The following GALNT16 variants were observed in gnomAD, a reference collection of about 807,000 sequenced individuals.
The protein encoded by GALNT16 is polypeptide N-acetylgalactosaminyltransferase 16.
A neutral mutation model predicts 76.1 loss-of-function variants in GALNT16; 40 were observed. The observed-to-expected ratio is 0.53, with a 90% confidence interval of 0.41 to 0.68. GALNT16 has a LOEUF of 0.68. Among genes scored for constraint, GALNT16 ranks in the 30% least tolerant of loss-of-function variants. The pLI is 0.00. For synonymous variants in GALNT16, 276 were observed against 285.2 expected (o/e 0.97, Z 0.32); for missense variants, 621 against 731.9 (o/e 0.85, Z 1.75).
the GALNT16 span, among the ~76,000 whole-genome samples, chr14:69,371,674 G>A: frequency 6.6e-6 from 1 of 152,016 alleles, no homozygotes; most frequent in East Asian, 1.9e-4. Context: ...GGCCAGGCGT[G>A]GTGGCTCACG....
At chr14:69,361,700 G>T (rs965173912), downstream of GALNT16, among the ~76,000 whole-genome samples, 1 of 152,138 alleles carries the variant, frequency 6.6e-6, no homozygotes, top group Non-Finnish European at 1.5e-5. Context: ...CAGGATGAGA[G>T]GCTAAAGCAC....
At chr14:69,282,853 A>T (rs888703233) in intron 1 of GALNT16, among the ~76,000 whole-genome samples, 1 of 152,028 alleles carries the variant, frequency 6.6e-6, no homozygotes, top group Non-Finnish European at 1.5e-5. Context: ...TTTGGTAGAG[A>T]TGGGGCTTCA....
chr14:69,346,435 C>T (rs746531160), intron 12 of GALNT16, among the ~76,000 whole-genome samples: 1 of 152,144 alleles, frequency 6.6e-6, no homozygotes, highest in Non-Finnish European at 1.5e-5. Context: ...GCACACTGCC[C>T]TCCTGAGAAG....
chr14:69,296,198 C>G (rs1303050511), intron 1 of GALNT16, among the ~76,000 whole-genome samples: 1 of 152,008 alleles, frequency 6.6e-6, no homozygotes, highest in Admixed American at 6.6e-5. Flanking sequence ...GTGCTAAATA[C>G]TTAAACAACC....
chr14:69,287,432 G>T (rs893383011), intron 1 of GALNT16, among the ~76,000 whole-genome samples: 2 of 152,204 alleles, frequency 1.3e-5, no homozygotes, highest in African/African-American at 4.8e-5. Context: ...ATCTCCTGAC[G>T]TTTGGGTAAT....
At chr14:69,370,150 A>T in the GALNT16 span, among the ~76,000 whole-genome samples, 1 of 152,156 alleles carries the variant, frequency 6.6e-6, no homozygotes, top group Non-Finnish European at 1.5e-5. Context: ...GCTCATTAGC[A>T]TGTGTCAGAA....
At chr14:69,363,274 C>T in the GALNT16 span, among the ~76,000 whole-genome samples, 11 of 152,300 alleles carry the variant, frequency 7.2e-5, no homozygotes, top group East Asian at 1.5e-3. Flanking sequence ...ATGGCAGTCA[C>T]GCTGCCGAGA....
intron 5 of GALNT16, 21 bp from the exon 6 acceptor site, chr14:69,328,429 C>T (rs779949674): frequency 2.5e-6 from 4 of 1,611,648 alleles, no homozygotes; most frequent in Non-Finnish European, 3.4e-6. Context: ...CAGCGCCAAG[C>T]CCTATCTACT....
At chr14:69,277,453 T>C (rs1566861509) in intron 1 of GALNT16, among the ~76,000 whole-genome samples, 1 of 152,204 alleles carries the variant, frequency 6.6e-6, no homozygotes, top group South Asian at 2.1e-4. Context: ...AGTTCCCACC[T>C]ATGAGTGAGA....
Position 69,353,242 on chromosome 14 carries a change from G to A in GALNT16, c.*1074G>A, listed in dbSNP as rs1294126862. 6.6e-6 allele frequency: 1 copy of A among 152,158 alleles called. No homozygotes were observed. Among genetic ancestry groups the A allele is most frequent in the Non-Finnish European group, 1.5e-5 (1 of 68,042 alleles). 9.4% of individuals were successfully genotyped at this position (152,158 alleles called of 1,614,324 possible). The stretch of plus-strand genomic sequence containing the variant: ...CCAAGAACAGCCCCTAAGTCATTAG[G>A]GTTCAACCTCACCCTTATTCCCCTC... On this transcript the variant is annotated 3_prime_UTR_variant, in exon 15 of 15. Transcript: ENST00000448469.
At position 69,352,292 on chromosome 14, in the gene GALNT16, T is replaced by G; in HGVS notation, c.*124T>G. 1 of 876,954 alleles carries G rather than the reference T, an allele frequency of 1.1e-6. No homozygotes were observed. The highest frequency in any genetic ancestry group is 1.7e-6 in the Non-Finnish European group (1 of 586,640). 54.3% of individuals were successfully genotyped at this position (876,954 alleles called of 1,614,324 possible). ...CATTTCTGCCAGGACCATCAGCAAA[T>G]ACCCACCATGACACACGTTCTCCAA... On this transcript the variant is annotated 3_prime_UTR_variant, in exon 15 of 15. Coordinates refer to ENST00000448469, the MANE Select transcript of GALNT16 (RefSeq NM_001168368.2).
intron 11 of GALNT16, 140 bp downstream of exon 11, chr14:69,339,759 G>T (rs1364443108): frequency 1.7e-6 from 1 of 590,634 alleles, no homozygotes; most frequent in Admixed American, 3.3e-5. Context: ...GGCTTCTTTG[G>T]GTCCTGGGAG....
chr14:69,277,117 G>C (rs376114186), intron 1 of GALNT16, among the ~76,000 whole-genome samples: 1 of 152,200 alleles, frequency 6.6e-6, no homozygotes, highest in Non-Finnish European at 1.5e-5. Flanking sequence ...ATCTGTAAAA[G>C]GGCTGAATAG....
intron 1 of GALNT16, among the ~76,000 whole-genome samples, chr14:69,266,892 A>C (rs1484793683): frequency 6.6e-6 from 1 of 152,206 alleles, no homozygotes; most frequent in Non-Finnish European, 1.5e-5. Flanking sequence ...GCTGCCAAGC[A>C]AGGACAGAGA....
At chr14:69,336,990 G>T (rs2140185643) in intron 9 of GALNT16, among the ~76,000 whole-genome samples, 1 of 152,304 alleles carries the variant, frequency 6.6e-6, no homozygotes, top group East Asian at 1.9e-4. Context: ...GCCTCCCAAA[G>T]TCCTAAGATC....
intron 1 of GALNT16, among the ~76,000 whole-genome samples, chr14:69,286,301 G>C (rs971712902): frequency 1.5e-5 from 2 of 136,024 alleles, no homozygotes; most frequent in African/African-American, 5.6e-5. Context: ...TCATCCAAAG[G>C]CACTTTTTTT....
intron 1 of GALNT16, among the ~76,000 whole-genome samples, chr14:69,314,400 A>T (rs2045071213): frequency 6.6e-6 from 1 of 152,250 alleles, no homozygotes. Context: ...CTGGCCAGTC[A>T]CTTCTATAAT....
chr14:69,348,384 G>A (rs749969597), intron 14 of GALNT16: 49 of 400,182 alleles, frequency 1.2e-4, no homozygotes, highest in Non-Finnish European at 1.8e-4. Context: ...ACCCAGTGAC[G>A]TGGGTTCTAG....
the GALNT16 span, among the ~76,000 whole-genome samples, chr14:69,373,752 TTTTC>T: frequency 3.4e-4 from 51 of 152,120 alleles, no homozygotes; most frequent in African/African-American, 1.1e-3. Context: ...CTCTTTGTTC[TTTTC>T]TTTCTCTCTC....
Sources: gnomAD v4.1 joint callset for allele counts (sites outside exome capture counted in the v4.1 genomes callset) on GRCh38, gnomAD v4.1.1 for gene constraint, MANE v1.5 for transcripts, NCBI Gene and HGNC (gene_info 2026-07-23, HGNC 2026-07-21) for gene names.